The following LYPLA1 variants were observed in gnomAD, a reference collection of about 807,000 sequenced individuals.
The protein encoded by LYPLA1 is lysophospholipase 1, also known as acyl-protein thioesterase 1.
A neutral mutation model predicts 34.0 loss-of-function variants in LYPLA1; 17 were observed. The ratio of observed to expected loss-of-function variants is 0.50; its 90% CI spans 0.34 to 0.75. The LOEUF (loss-of-function observed/expected upper bound fraction) is 0.75. Among genes scored for constraint, LYPLA1 ranks in the 30% least tolerant of loss-of-function variants. The probability of loss-of-function intolerance (pLI) is 0.01; values close to 1 mark genes in which losing one functional copy is unlikely to be tolerated. For missense variants in LYPLA1, 203 were observed against 288.8 expected (o/e 0.70, Z 2.15); for synonymous variants, 98 against 100.8 (o/e 0.97, Z 0.17).
At chr8:54,056,344 C>A (rs11992220) in intron 5 of LYPLA1, among the ~76,000 whole-genome samples, 1 of 151,974 alleles carries the variant, frequency 6.6e-6, no homozygotes, top group East Asian at 1.9e-4. Context: ...GAAACTACTA[C>A]GAGAAAAAAT....
chr8:54,073,414 C>G (rs1426083512), intron 2 of LYPLA1: 1 of 776,048 alleles, frequency 1.3e-6, no homozygotes, highest in African/African-American at 1.7e-5. Flanking sequence ...CTGGCACGGC[C>G]AGCTCCGCTG....
intron 2 of LYPLA1, among the ~76,000 whole-genome samples, chr8:54,095,883 A>G (rs554780212): frequency 1.3e-5 from 2 of 152,126 alleles, no homozygotes; most frequent in Non-Finnish European, 2.9e-5. Context: ...TATTCTTGAC[A>G]AAGTGTCAAG....
intron 5 of LYPLA1, among the ~76,000 whole-genome samples, chr8:54,059,037 A>G (rs1441877622): frequency 6.6e-6 from 1 of 152,156 alleles, no homozygotes; most frequent in Non-Finnish European, 1.5e-5. Flanking sequence ...AGTAACAAGT[A>G]TTTCATAGGC....
intron 2 of LYPLA1, among the ~76,000 whole-genome samples, chr8:54,066,503 G>A (rs1182212179): frequency 6.6e-6 from 1 of 152,076 alleles, no homozygotes; most frequent in Non-Finnish European, 1.5e-5. Context: ...AGCCTTGGCC[G>A]GGTGCAGTGG....
At chr8:54,065,246 T>G (rs1317095265) in intron 3 of LYPLA1, among the ~76,000 whole-genome samples, 1 of 152,116 alleles carries the variant, frequency 6.6e-6, no homozygotes, top group East Asian at 1.9e-4. Flanking sequence ...TCACTTGAGG[T>G]CAGGCATTTG....
At chr8:54,099,946 A>T (rs868019674) in intron 2 of LYPLA1, among the ~76,000 whole-genome samples, 99 of 152,158 alleles carry the variant, frequency 6.5e-4, no homozygotes, top group African/African-American at 2.2e-3. Context: ...GGCCTCCCAA[A>T]GTGCTGGGAT....
At chr8:54,081,540 C>T (rs1333568418) in intron 2 of LYPLA1, among the ~76,000 whole-genome samples, 1 of 151,974 alleles carries the variant, frequency 6.6e-6, no homozygotes, top group Non-Finnish European at 1.5e-5. Context: ...CTTCGCATCC[C>T]GGGTTTAAGC....
intron 2 of LYPLA1, among the ~76,000 whole-genome samples, chr8:54,084,756 T>C (rs1808579948): frequency 1.3e-5 from 2 of 152,106 alleles, no homozygotes; most frequent in African/African-American, 4.8e-5. Context: ...AAGAGAACAG[T>C]ATGAACAATT....
chr8:54,095,132 G>T (rs1809586805), intron 2 of LYPLA1, among the ~76,000 whole-genome samples: 1 of 151,854 alleles, frequency 6.6e-6, no homozygotes, highest in African/African-American at 2.4e-5. Flanking sequence ...AAGTAGATGG[G>T]ACAACAGGCA....
At chr8:54,072,321 A>G (rs1444200382) in intron 2 of LYPLA1, among the ~76,000 whole-genome samples, 1 of 152,204 alleles carries the variant, frequency 6.6e-6, no homozygotes. Flanking sequence ...TAGACATAGG[A>G]CTTGTCTAAG....
intron 2 of LYPLA1, among the ~76,000 whole-genome samples, chr8:54,086,429 T>A (rs1201050981): frequency 4.3e-4 from 13 of 30,210 alleles, no homozygotes; most frequent in East Asian, 9.3e-4. Flanking sequence ...CAATAAATAC[T>A]AAAAAAATTA....
At chr8:54,080,913 T>C (rs1808268140) in intron 2 of LYPLA1, among the ~76,000 whole-genome samples, 1 of 152,254 alleles carries the variant, frequency 6.6e-6, no homozygotes, top group Admixed American at 6.5e-5. Flanking sequence ...ACATGAATTT[T>C]AGAATTGTTA....
intron 2 of LYPLA1, among the ~76,000 whole-genome samples, chr8:54,075,515 G>A (rs1215553330): frequency 2.0e-5 from 3 of 152,134 alleles, no homozygotes; most frequent in Non-Finnish European, 4.4e-5. Context: ...CCACCCACCT[G>A]GGGACAGATC....
intron 2 of LYPLA1, among the ~76,000 whole-genome samples, chr8:54,082,434 C>T (rs1808390740): frequency 6.6e-6 from 1 of 151,758 alleles, no homozygotes; most frequent in African/African-American, 2.4e-5. Flanking sequence ...CAATCATTAA[C>T]AGCTTAGCTC....
chr8:54,052,734 G>A lies in LYPLA1; in HGVS notation c.383C>T (p.Thr128Ile). 1 of 1,612,992 alleles carries A rather than the reference G, an allele frequency of 6.2e-7. No individual in the cohort carries two copies. Among genetic ancestry groups the A allele is most frequent in the Non-Finnish European group, 8.5e-7 (1 of 1,179,058 alleles). ...FSQGGALSLYTALTTQQKLAG... is the reference protein window; with the variant it reads ...FSQGGALSLYIALTTQQKLAG... The stretch of plus-strand genomic sequence containing the variant: ...CAGTTTCTGCTGTGTGGTAAGGGCA[G>A]TATATAAAGATAAAGCTCCTCCCTG... The change falls in exon 7 of 9, where the codon ACT becomes ATT. Residue 128 changes from threonine (T) to isoleucine (I), a missense_variant. By Grantham distance (89) the Thr-to-Ile change is moderately conservative. Around this residue, in one of 3 missense-constraint regions of LYPLA1, gnomAD observed 123 missense variants for 199.2 expected, o/e 0.62. Transcript: ENST00000316963.
chr8:54,068,420 T>C (rs80138083), intron 2 of LYPLA1, among the ~76,000 whole-genome samples: 3,113 of 152,172 alleles, frequency 0.02, 50 homozygotes, highest in African/African-American at 0.028. Flanking sequence ...AACAAAAATC[T>C]TGAAAAAGAA....
In LYPLA1 at chr8:54,057,120, A is replaced by T. The variant is rs553547028; in HGVS notation, c.287-1987T>A. ...CAGTTAATAGCAAATGCTGGCAAGG[A>T]TGTGGAGAAAAGAGAACCCTCATAC... On this transcript the variant is annotated intron_variant, in intron 5 of 8. Transcript: ENST00000316963. 3.3e-5 allele frequency among the ~76,000 whole-genome samples: 5 copies of T among 152,290 alleles called. No individual in the cohort carries two copies. The East Asian group carries it at 9.6e-4, about 29-fold the overall frequency.
chr8:54,067,992 T>A (rs1417056121), intron 2 of LYPLA1, among the ~76,000 whole-genome samples: 1 of 152,156 alleles, frequency 6.6e-6, no homozygotes, highest in Non-Finnish European at 1.5e-5. Flanking sequence ...CAGCCCCCTG[T>A]TAAATACTTT....
intron 2 of LYPLA1, among the ~76,000 whole-genome samples, chr8:54,091,795 A>G (rs1374076624): frequency 6.6e-6 from 1 of 151,794 alleles, no homozygotes; most frequent in Non-Finnish European, 1.5e-5. Flanking sequence ...ACTTGTTAGA[A>G]ATGCAAATTC....
Sources: gnomAD v4.1 joint callset for allele counts (sites outside exome capture counted in the v4.1 genomes callset) on GRCh38, gnomAD v4.1.1 for gene constraint, gnomAD v4.1.1 regional missense constraint, MANE v1.5 for transcripts, NCBI Gene and HGNC (gene_info 2026-07-23, HGNC 2026-07-21) for gene names.